ATXN8OS: variants seen among roughly 807,000 people sequenced by gnomAD.
ATXN8OS encodes the protein ATXN8 opposite strand lncRNA.
At chr13:70,118,961 C>T (rs1394698239) in intron 2 of ATXN8OS, among the ~76,000 whole-genome samples, 8 of 151,682 alleles carry the variant, frequency 5.3e-5, no homozygotes, top group Admixed American at 1.3e-4. Flanking sequence ...TTCTGGCACT[C>T]AAAAATATGT....
At position 70,118,564 on chromosome 13, in the gene ATXN8OS, A is replaced by G. The variant is rs147476465; in HGVS notation, n.398+3266A>G. 4.4e-3 allele frequency among the ~76,000 whole-genome samples: 664 copies of G among 152,102 alleles called. 4 individuals are homozygous for G. Among genetic ancestry groups the G allele is most frequent in the African/African-American group, 0.014 (595 of 41,446 alleles). On this transcript the variant is annotated intron_variant and non_coding_transcript_variant, in intron 2 of 4. Transcript: ENST00000678624. The stretch of plus-strand genomic sequence containing the variant: ...GCATTTATATATTTCATTTATACAT[A>G]GAGAGGAAGAGAGAGAGAGACTGGA...
chr13:70,159,249 G>T (rs759104205), intron 4 of ATXN8OS, among the ~76,000 whole-genome samples: 1 of 151,156 alleles, frequency 6.6e-6, no homozygotes, highest in South Asian at 2.1e-4. Flanking sequence ...TATATTAGAG[G>T]TAATATTCAG....
At chr13:70,167,161 A>T (rs375513753) in intron 4 of ATXN8OS, among the ~76,000 whole-genome samples, 1 of 152,062 alleles carries the variant, frequency 6.6e-6, no homozygotes, top group Non-Finnish European at 1.5e-5. Flanking sequence ...CCATCCCATT[A>T]CTGGGTATAT....
At chr13:70,126,938 C>G (rs893709587) in intron 2 of ATXN8OS, among the ~76,000 whole-genome samples, 1 of 151,364 alleles carries the variant, frequency 6.6e-6, no homozygotes, top group Non-Finnish European at 1.5e-5. Context: ...CTATATGTAC[C>G]TATCTATATA....
chr13:70,169,943 T>G (rs1267811522), exon 5 of ATXN8OS, among the ~76,000 whole-genome samples: 2 of 152,114 alleles, frequency 1.3e-5, no homozygotes, highest in African/African-American at 2.4e-5. Context: ...CAGCTTCTTC[T>G]GCCCAAACCT....
At chr13:70,163,524 C>G (rs1889035696) in intron 4 of ATXN8OS, among the ~76,000 whole-genome samples, 1 of 151,902 alleles carries the variant, frequency 6.6e-6, no homozygotes, top group Non-Finnish European at 1.5e-5. Flanking sequence ...ACATCACATT[C>G]TAACAAATTA....
In ATXN8OS at chr13:70,160,492, A is replaced by T. The variant is rs114282584; in HGVS notation, n.574-9261A>T. On this transcript the variant is annotated intron_variant and non_coding_transcript_variant, in intron 4 of 4. Coordinates refer to ENST00000678624, the Ensembl canonical transcript of ATXN8OS. The stretch of plus-strand genomic sequence containing the variant: ...GGCATGAAGTTAGCATATTTCTTTC[A>T]ACGGTAATTAATTTGGATAAAGTTT... Among the ~76,000 whole-genome samples the T allele has an allele frequency of 8.5e-3, 1,283 of 151,814 alleles. 18 individuals are homozygous for T. The highest frequency in any genetic ancestry group is 0.028 in the African/African-American group (1,158 of 41,484).
intron 3 of ATXN8OS, among the ~76,000 whole-genome samples, chr13:70,141,363 C>G (rs959041928): frequency 1.3e-5 from 2 of 152,124 alleles, no homozygotes; most frequent in African/African-American, 4.8e-5. Flanking sequence ...TGTGGCAACC[C>G]CTACAGATTC....
intron 1 of ATXN8OS, among the ~76,000 whole-genome samples, chr13:70,110,170 T>A (rs1446171366): frequency 1.3e-5 from 2 of 152,154 alleles, no homozygotes; most frequent in Non-Finnish European, 2.9e-5. Context: ...GAATTAAAAA[T>A]ATTGTCACAT....
chr13:70,164,076 A>C (rs989927309), intron 4 of ATXN8OS, among the ~76,000 whole-genome samples: 4 of 146,540 alleles, frequency 2.7e-5, no homozygotes, highest in African/African-American at 9.9e-5. Flanking sequence ...TATTATTATT[A>C]TTATTATTAT....
At chr13:70,139,639 T>C (rs931857485) in intron 3 of ATXN8OS, among the ~76,000 whole-genome samples, 3 of 152,104 alleles carry the variant, frequency 2.0e-5, no homozygotes, top group Non-Finnish European at 4.4e-5. Flanking sequence ...TCAAACACAA[T>C]GTTTATCAAA....
chr13:70,146,924 AT>A (rs965914330), intron 3 of ATXN8OS, among the ~76,000 whole-genome samples: 2 of 152,132 alleles, frequency 1.3e-5, no homozygotes, highest in African/African-American at 2.4e-5. Context: ...AAATAATGAA[AT>A]TTTAAAAAAA....
intron 4 of ATXN8OS, among the ~76,000 whole-genome samples, chr13:70,162,547 G>T (rs926035615): frequency 3.3e-5 from 5 of 152,062 alleles, no homozygotes; most frequent in Non-Finnish European, 5.9e-5. Flanking sequence ...ATGAAAAATG[G>T]GAGGAAGAGA....
exon 5 of ATXN8OS, among the ~76,000 whole-genome samples, chr13:70,170,965 G>T (rs1287611006): frequency 6.6e-6 from 1 of 152,002 alleles, no homozygotes. Flanking sequence ...TAAACATAGA[G>T]GAAGTACAGT....
At chr13:70,150,269 G>C (rs1216964335) in intron 4 of ATXN8OS, among the ~76,000 whole-genome samples, 2 of 152,064 alleles carry the variant, frequency 1.3e-5, no homozygotes, top group Non-Finnish European at 2.9e-5. Flanking sequence ...ACTGAAGGAA[G>C]ATAATATCAA....
At chr13:70,166,957 C>T (rs1223465159) in intron 4 of ATXN8OS, among the ~76,000 whole-genome samples, 1 of 151,392 alleles carries the variant, frequency 6.6e-6, no homozygotes, top group Non-Finnish European at 1.5e-5. Context: ...AAATCAAAAC[C>T]ACAATGAGAT....
At chr13:70,146,058 A>T (rs1888781584) in intron 3 of ATXN8OS, among the ~76,000 whole-genome samples, 1 of 40,414 alleles carries the variant, frequency 2.5e-5, no homozygotes. Context: ...ACTCAAACAA[A>T]TTTACAAGAA....
chr13:70,107,889 C>T (rs577420693), exon 1 of ATXN8OS: 62 of 532,658 alleles, frequency 1.2e-4, no homozygotes, highest in African/African-American at 1.1e-3. Flanking sequence ...GGCAAAGCCG[C>T]GCGTTTCAGC....
chr13:70,128,740 C>T (rs9542181), intron 2 of ATXN8OS, among the ~76,000 whole-genome samples: 24,864 of 151,796 alleles, frequency 0.16, 2,219 homozygotes, highest in East Asian at 0.24. Context: ...GAGATTCTTC[C>T]CCGCAGTGTC....
Sources: gnomAD v4.1 joint callset for allele counts (sites outside exome capture counted in the v4.1 genomes callset) on GRCh38, gnomAD v4.1.1 for gene constraint, MANE v1.5 for transcripts, NCBI Gene and HGNC (gene_info 2026-07-23, HGNC 2026-07-21) for gene names.